The following PRPF38A variants were observed in gnomAD, a reference collection of about 807,000 sequenced individuals.
PRPF38A encodes pre-mRNA processing factor 38A, also known as pre-mRNA-splicing factor 38A.
Under a neutral mutation model 46.8 loss-of-function variants are expected in PRPF38A, and 11 were observed. The ratio of observed to expected loss-of-function variants is 0.24; its 90% CI spans 0.15 to 0.39. The LOEUF (loss-of-function observed/expected upper bound fraction) is 0.39. Among genes scored for constraint, PRPF38A ranks in the 10% least tolerant of loss-of-function variants. The probability of loss-of-function intolerance (pLI) is 1.00; values close to 1 mark genes in which losing one functional copy is unlikely to be tolerated. For missense variants in PRPF38A, 261 were observed against 407.5 expected (o/e 0.64, Z 3.10); for synonymous variants, 124 against 136.2 (o/e 0.91, Z 0.62).
intron 6 of PRPF38A, among the ~76,000 whole-genome samples, chr1:52,414,294 A>G (rs1027478229): frequency 2.6e-5 from 4 of 152,112 alleles, no homozygotes; most frequent in African/African-American, 9.7e-5. Context: ...TGACGGGGGA[A>G]ATTTCTCTTC....
chr1:52,417,052 T>C lies in PRPF38A; in HGVS notation c.*362T>C. 5.1e-6 allele frequency: 1 copy of C among 196,344 alleles called. No homozygotes were observed. Among genetic ancestry groups the C allele is most frequent in the Non-Finnish European group, 1.1e-5 (1 of 94,446 alleles). The allele number at this position is 196,344 out of a possible 1,614,324, so 12.2% of individuals were successfully genotyped here. On this transcript the variant is annotated 3_prime_UTR_variant, in exon 10 of 10. Transcript: ENST00000257181. ...CTGTAGTTTAGTTTTTGGTTTGTTG[T>C]GGTTGGAACTGCTTTGAGAATCCTG...
In PRPF38A at chr1:52,406,894, T is replaced by G. The variant is rs147492887; in HGVS notation, c.290+1055T>G. Among the ~76,000 whole-genome samples the G allele has an allele frequency of 4.7e-4, 71 of 152,374 alleles. No individual in the cohort carries two copies. The East Asian group carries it at 0.013, about 28-fold the overall frequency. On this transcript the variant is annotated intron_variant, in intron 2 of 9. Coordinates refer to ENST00000257181, the MANE Select transcript of PRPF38A (RefSeq NM_032864.4). ...CAGCTAGTAAGTGGCAAATCTGGCT[T>G]CAGAGTTCATATTCTTTGCTACAGT...
At position 52,418,611 on chromosome 1, in the gene PRPF38A, AAG is replaced by A. The variant is rs1364741556; in HGVS notation, c.*1925_*1926del. On this transcript the variant is annotated 3_prime_UTR_variant, in exon 10 of 10. Coordinates refer to ENST00000257181, the MANE Select transcript of PRPF38A (RefSeq NM_032864.4). ...GTACCACAGCCAATCAATAGCAGGAAAGAGAATGTCCCTATTCTTTAATTAGA... is the reference window on the plus strand; with the variant it reads ...GTACCACAGCCAATCAATAGCAGGAAAGAATGTCCCTATTCTTTAATTAGA... The A allele has an allele frequency of 6.6e-6, 1 of 152,216 alleles. No homozygotes were observed. The highest frequency in any genetic ancestry group is 2.4e-5 in the African/African-American group (1 of 41,452). 9.4% of individuals were successfully genotyped at this position (152,216 alleles called of 1,614,324 possible).
intron 9 of PRPF38A, among the ~76,000 whole-genome samples, 190 bp from the exon 10 acceptor site, chr1:52,416,458 G>A (rs1648294503): frequency 6.6e-6 from 1 of 151,864 alleles, no homozygotes; most frequent in Non-Finnish European, 1.5e-5. Context: ...ACAGGTGCCC[G>A]CCGCCATGCT....
In PRPF38A at chr1:52,418,989, G is replaced by T. The variant is rs1287657718; in HGVS notation, c.*2299G>T. Reference sequence around the variant, plus strand: ...TAATTTGAAATACACTGACTTAAAAGCTTTGCCATAGGGCACAATCGCCTT... The same window carrying T: ...TAATTTGAAATACACTGACTTAAAATCTTTGCCATAGGGCACAATCGCCTT... On this transcript the variant is annotated 3_prime_UTR_variant, in exon 10 of 10. Transcript: ENST00000257181. 1 of 152,212 alleles carries T rather than the reference G, an allele frequency of 6.6e-6. No individual in the cohort carries two copies. Among genetic ancestry groups the T allele is most frequent in the African/African-American group, 2.4e-5 (1 of 41,452 alleles). The allele number at this position is 152,212 out of a possible 1,614,324, so 9.4% of individuals were successfully genotyped here. A position where few individuals can be genotyped will look rare whatever the true frequency, so the allele number is the denominator to read the frequency against.
chr1:52,412,892 C>T (rs1342405345), intron 5 of PRPF38A, among the ~76,000 whole-genome samples: 1 of 152,044 alleles, frequency 6.6e-6, no homozygotes, highest in Non-Finnish European at 1.5e-5. Flanking sequence ...ATCCTAGCTA[C>T]CCAGGAGGCT....
intron 4 of PRPF38A, 102 bp downstream of exon 4, chr1:52,411,302 A>G: frequency 1.3e-6 from 1 of 768,792 alleles, no homozygotes; most frequent in Admixed American, 2.4e-5. Flanking sequence ...TGTGGATCTT[A>G]TGGGTCCTCT....
chr1:52,414,824 G>A lies in PRPF38A; in HGVS notation c.812G>A (p.Arg271Gln), dbSNP rs771187535. Reference sequence around the variant, plus strand: ...CCAAGACGTCACCGCAGCAGGTCCCGAGATCGGCGGCACAGATCCCGTTCC... The same window carrying A: ...CCAAGACGTCACCGCAGCAGGTCCCAAGATCGGCGGCACAGATCCCGTTCC... The part of the protein sequence containing the change: ...KSPRRHRSRS[R>Q]DRRHRSRSKS... Residue 271 changes from arginine (R) to glutamine (Q), a missense_variant, in exon 8 of 10, where the codon CGA becomes CAA. By Grantham distance (43) the Arg-to-Gln change is conservative. Around this residue, in one of 2 missense-constraint regions of PRPF38A, gnomAD observed 180 missense variants for 221.0 expected, o/e 0.81. Coordinates refer to ENST00000257181, the MANE Select transcript of PRPF38A (RefSeq NM_032864.4). The A allele has an allele frequency of 5.0e-6, 8 of 1,614,180 alleles. No homozygotes were observed. The highest frequency in any genetic ancestry group is 4.5e-5 in the East Asian group (2 of 44,892).
intron 3 of PRPF38A, chr1:52,409,534 C>G (rs1163836451): frequency 6.6e-6 from 1 of 152,220 alleles, no homozygotes; most frequent in Non-Finnish European, 1.5e-5. Context: ...TCCCTTGAAC[C>G]AGGAGGCGGA....
At chr1:52,408,362 A>C (rs1429769055) in intron 2 of PRPF38A, 1 of 695,656 alleles carries the variant, frequency 1.4e-6, no homozygotes, top group Non-Finnish European at 2.6e-6. Flanking sequence ...TGATGTTCCC[A>C]CAGCCATAAA....
intron 7 of PRPF38A, 35 bp downstream of exon 7, chr1:52,414,682 C>T (rs747286787): frequency 1.2e-6 from 2 of 1,613,806 alleles, no homozygotes; most frequent in Non-Finnish European, 1.7e-6. Flanking sequence ...AAGGATAGGG[C>T]TTTGGGGAGG....
At chr1:52,406,295 T>C (rs1162912625) in intron 2 of PRPF38A, among the ~76,000 whole-genome samples, 2 of 152,110 alleles carry the variant, frequency 1.3e-5, no homozygotes, top group African/African-American at 4.8e-5. Context: ...CCCTGCCAAG[T>C]TTGTATTTTA....
At position 52,413,993 on chromosome 1, in the gene PRPF38A, T is replaced by C; in HGVS notation, c.722+2T>C. ...GAGTAGGAGCCGGTCTCCCAGAAGG[T>C]AAAGCCTAGTCATTGGCCTTTTCCC... On this transcript the variant is annotated splice_donor_variant, in intron 6 of 9. Transcript: ENST00000257181. LOFTEE classifies it high-confidence loss of function. 1 of 1,593,680 alleles carries C rather than the reference T, an allele frequency of 6.3e-7. No individual in the cohort carries two copies. Among genetic ancestry groups the C allele is most frequent in the Non-Finnish European group, 8.6e-7 (1 of 1,161,612 alleles).
At chr1:52,406,916 C>T (rs1648012453) in intron 2 of PRPF38A, among the ~76,000 whole-genome samples, 1 of 152,218 alleles carries the variant, frequency 6.6e-6, no homozygotes, top group Non-Finnish European at 1.5e-5. Flanking sequence ...TTCTTTGCTA[C>T]AGTATTCTGC....
chr1:52,414,078 C>CTATGGAGAATGTTTGCCCAA, intron 6 of PRPF38A, 87 bp downstream of exon 6: 1 of 809,338 alleles, frequency 1.2e-6, no homozygotes, highest in Non-Finnish European at 2.0e-6. Context: ...AAATGCACGT[C>CTATGGAGAATGTTTGCCCAA]TATGGAGAAT....
chr1:52,408,406 A>G, intron 2 of PRPF38A, 163 bp from the exon 3 acceptor site: 1 of 890,120 alleles, frequency 1.1e-6, no homozygotes, highest in Non-Finnish European at 1.8e-6. Flanking sequence ...AGGTCTCCAT[A>G]TTTTAGCTGT....
intron 3 of PRPF38A, 164 bp downstream of exon 3, chr1:52,408,854 C>T (rs1483591008): frequency 2.6e-6 from 2 of 782,990 alleles, no homozygotes; most frequent in Non-Finnish European, 3.9e-6. Context: ...AGTTTTCAGT[C>T]TGACTACTAG....
chr1:52,414,490 TA>T lies in PRPF38A; in HGVS notation c.723-130del. The T allele has an allele frequency of 5.5e-6, 5 of 909,558 alleles. No individual in the cohort carries two copies. The South Asian group carries it at 7.4e-5, about 13-fold the overall frequency. 56.3% of individuals were successfully genotyped at this position (909,558 alleles called of 1,614,324 possible). On this transcript the variant is annotated intron_variant, in intron 6 of 9. Coordinates refer to ENST00000257181, the MANE Select transcript of PRPF38A (RefSeq NM_032864.4). ...AGTTAGAATGGGAGGGTGCTAGAGT[TA>T]CGTGACAAAAGACATGGATACAGAG...
intron 2 of PRPF38A, among the ~76,000 whole-genome samples, chr1:52,406,268 A>C (rs766070503): frequency 6.6e-6 from 1 of 152,164 alleles, no homozygotes; most frequent in Non-Finnish European, 1.5e-5. Flanking sequence ...CTGGGATTAC[A>C]GGCATGAGCC....
Sources: gnomAD v4.1 joint callset for allele counts (sites outside exome capture counted in the v4.1 genomes callset) on GRCh38, gnomAD v4.1.1 for gene constraint, gnomAD v4.1.1 regional missense constraint, MANE v1.5 for transcripts, NCBI Gene and HGNC (gene_info 2026-07-23, HGNC 2026-07-21) for gene names.